Variants in SPATA13 observed in about 807,000 individuals in gnomAD.
SPATA13 encodes the protein spermatogenesis-associated protein 13.
Under a neutral mutation model 104.0 loss-of-function variants are expected in SPATA13, and 50 were observed. The observed-to-expected ratio is 0.48, with a 90% CI of 0.38 to 0.61. The LOEUF is 0.61. Ranked by LOEUF, SPATA13 falls within the 20% of genes least tolerant of loss-of-function variation. The pLI is 0.00. For synonymous variants in SPATA13, 606 were observed against 667.5 expected (o/e 0.91, Z 1.42); for missense variants, 1,524 against 1,690.6 (o/e 0.90, Z 1.73).
intron 2 of SPATA13, among the ~76,000 whole-genome samples, chr13:24,010,799 T>C (rs1171727604): frequency 6.6e-6 from 1 of 151,910 alleles, no homozygotes; most frequent in African/African-American, 2.4e-5. Flanking sequence ...CAGTGCCTTG[T>C]TGGTGGATCT....
rs188728372 is a variant in SPATA13, at chr13:24,206,482, G to A, written c.-111-16337G>A. 1.2e-3 allele frequency among the ~76,000 whole-genome samples: 179 copies of A among 152,320 alleles called. 1 individual carries two copies. Among genetic ancestry groups the A allele is most frequent in the African/African-American group, 4.1e-3 (172 of 41,568 alleles). ...GTTGGTGGGAGTATAAATTAGTTCA[G>A]CCCTTGTGGAAAACAGTGTGGTGAT... On this transcript the variant is annotated intron_variant, in intron 1 of 12. Coordinates refer to ENST00000382108, the MANE Select transcript of SPATA13 (RefSeq NM_001166271.3).
At chr13:24,162,871 G>A (rs972635459) in intron 1 of SPATA13, among the ~76,000 whole-genome samples, 3 of 152,192 alleles carry the variant, frequency 2.0e-5, no homozygotes, top group African/African-American at 7.2e-5. Context: ...TTGAACTCAG[G>A]CATGCCTGGA....
intron 1 of SPATA13, among the ~76,000 whole-genome samples, chr13:24,197,747 A>G (rs1220568): frequency 0.42 from 64,531 of 151,890 alleles, 14,061 homozygotes; most frequent in African/African-American, 0.51. Flanking sequence ...CCTTATTTCC[A>G]TGTTCTGACT....
chr13:24,109,013 G>A (rs1264394335), intron 3 of SPATA13, among the ~76,000 whole-genome samples: 2 of 151,872 alleles, frequency 1.3e-5, no homozygotes, highest in African/African-American at 2.4e-5. Flanking sequence ...TGCTCAATGT[G>A]CAGGTTTGTT....
At chr13:24,099,769 T>A (rs1476162807) in intron 3 of SPATA13, among the ~76,000 whole-genome samples, 1 of 152,170 alleles carries the variant, frequency 6.6e-6, no homozygotes, top group Non-Finnish European at 1.5e-5. Context: ...GCAGATCACA[T>A]GGTCTGGGTT....
chr13:24,113,235 C>A (rs1026156106), intron 3 of SPATA13, among the ~76,000 whole-genome samples: 2 of 152,206 alleles, frequency 1.3e-5, no homozygotes, highest in African/African-American at 4.8e-5. Flanking sequence ...TATTTAATAT[C>A]CTAGGCAAAA....
chr13:24,012,674 T>C (rs10459401), intron 2 of SPATA13, among the ~76,000 whole-genome samples: 8,436 of 152,342 alleles, frequency 0.055, 321 homozygotes, highest in South Asian at 0.19. Context: ...CCCAAGTGTG[T>C]GGTGGGCGGG....
At position 24,240,755 on chromosome 13, in the gene SPATA13, G is replaced by C. The variant is rs775226221; in HGVS notation, c.1654-8722G>C. Among the ~76,000 whole-genome samples the C allele has an allele frequency of 1.7e-4, 26 of 152,182 alleles. 1 individual carries two copies. Among genetic ancestry groups the C allele is most frequent in the Admixed American group, 3.3e-4 (5 of 15,268 alleles). On this transcript the variant is annotated intron_variant, in intron 2 of 12. Coordinates refer to ENST00000382108, the MANE Select transcript of SPATA13 (RefSeq NM_001166271.3). ...CATTTTTAAATGAACTACCATATCAGTCTATAAAACAGGTTACATACAAGG... is the reference window on the plus strand; with the variant it reads ...CATTTTTAAATGAACTACCATATCACTCTATAAAACAGGTTACATACAAGG...
chr13:24,039,881 C>T (rs903965443), intron 3 of SPATA13, among the ~76,000 whole-genome samples: 1 of 152,184 alleles, frequency 6.6e-6, no homozygotes, highest in Non-Finnish European at 1.5e-5. Context: ...AGCACCGTCC[C>T]CACCAAAGAC....
rs1034706558 is a variant in SPATA13, at chr13:24,025,781, A to G, written c.-112+8080A>G. ...ATTTTTTTCTATGAAATATCTAATCACATCTTTTACCTTTTCTTTCTTTCT... is the reference window on the plus strand; with the variant it reads ...ATTTTTTTCTATGAAATATCTAATCGCATCTTTTACCTTTTCTTTCTTTCT... On this transcript the variant is annotated intron_variant, in intron 3 of 14. Coordinates refer to the SPATA13 transcript ENST00000424834. 2.0e-5 allele frequency among the ~76,000 whole-genome samples: 3 copies of G among 150,740 alleles called. No homozygotes were observed. The Admixed American group carries it at 2.0e-4, about 10-fold the overall frequency.
intron 3 of SPATA13, among the ~76,000 whole-genome samples, chr13:24,033,067 T>A (rs1316233832): frequency 6.6e-6 from 1 of 152,162 alleles, no homozygotes; most frequent in Non-Finnish European, 1.5e-5. Context: ...TTTAATTTTT[T>A]AAAAAGATCT....
In SPATA13 at chr13:24,284,236, C is replaced by T; in HGVS notation, c.2266C>T (p.Leu756=). 6.2e-7 allele frequency: 1 copy of T among 1,613,780 alleles called. No homozygotes were observed. The highest frequency in any genetic ancestry group is 8.5e-7 in the Non-Finnish European group (1 of 1,179,918). Residue 756 remains leucine, a synonymous_variant, in exon 5 of 13, where the codon CTG becomes TTG. Transcript: ENST00000382108. ...CCTCTGCCAGGCCAGCCCTCGGTAC[C>T]TGCAGCCCGGCGGGGAGCAGCTGGC... ...EDLCQASPRY[L]QPGGEQLAIN... is the part of the protein sequence containing the mutation.
intron 1 of SPATA13, among the ~76,000 whole-genome samples, chr13:24,186,760 G>A (rs1488553930): frequency 6.6e-6 from 1 of 152,122 alleles, no homozygotes; most frequent in African/African-American, 2.4e-5. Context: ...GTTTGAAATG[G>A]GCAACAACGC....
intron 3 of SPATA13, among the ~76,000 whole-genome samples, chr13:24,054,789 A>G (rs940657619): frequency 4.6e-5 from 7 of 152,234 alleles, no homozygotes; most frequent in African/African-American, 7.2e-5. Flanking sequence ...TATAAAATGG[A>G]GAATATTCAT....
At chr13:24,284,372 G>A in intron 5 of SPATA13, 101 bp downstream of exon 5, 5 of 1,302,964 alleles carry the variant, frequency 3.8e-6, no homozygotes, top group South Asian at 3.1e-5. Flanking sequence ...TACTAAGCAT[G>A]TCCGAAAACC....
intron 2 of SPATA13, among the ~76,000 whole-genome samples, chr13:24,012,189 A>C (rs1876499647): frequency 6.6e-6 from 1 of 152,226 alleles, no homozygotes; most frequent in African/African-American, 2.4e-5. Flanking sequence ...TTCCTGGGGA[A>C]TCTTTTCACC....
chr13:24,130,888 T>C (rs1881372637), intron 3 of SPATA13, among the ~76,000 whole-genome samples: 1 of 152,244 alleles, frequency 6.6e-6, no homozygotes, highest in Non-Finnish European at 1.5e-5. Context: ...GCCGGGAATC[T>C]CTGCAGGTTA....
intron 4 of SPATA13, among the ~76,000 whole-genome samples, chr13:24,281,153 A>C (rs1452764608): frequency 6.6e-6 from 1 of 152,166 alleles, no homozygotes; most frequent in Non-Finnish European, 1.5e-5. Flanking sequence ...AGCAGGTAAG[A>C]AAGCTAGGGC....
chr13:24,224,143 C>T lies in SPATA13; in HGVS notation c.1214C>T (p.Ala405Val). ...ACCTCTAAGGGGCCCCACCTAGACG[C>T]TGACACTGCCGTATTTCCTCTTGAA... ...SATSKGPHLD[A>V]DTAVFPLETK... is the part of the protein sequence containing the mutation. The change falls in exon 2 of 13, where the codon GCT (alanine) becomes GTT (valine). Residue 405 changes from alanine to valine, a missense_variant. Physicochemically the swap from Ala to Val is moderately conservative, Grantham distance 64. Coordinates refer to ENST00000382108, the MANE Select transcript of SPATA13 (RefSeq NM_001166271.3). The T allele has an allele frequency of 6.4e-7, 1 of 1,551,788 alleles. No individual in the cohort carries two copies. The highest frequency in any genetic ancestry group is 8.7e-7 in the Non-Finnish European group (1 of 1,147,008).
Sources: allele counts gnomAD v4.1 joint callset (sites outside exome capture counted in the v4.1 genomes callset), GRCh38; gene constraint gnomAD v4.1.1; transcripts MANE v1.5; gene names NCBI Gene and HGNC (gene_info 2026-07-23, HGNC 2026-07-21).